SIRT3: variants seen among roughly 807,000 people sequenced by gnomAD.
SIRT3 encodes the protein NAD-dependent protein deacetylase sirtuin-3, mitochondrial.
Under a neutral mutation model 33.5 loss-of-function variants are expected in SIRT3, and 26 were observed. The ratio of observed to expected loss-of-function variants is 0.78; its 90% confidence interval spans 0.57 to 1.08. SIRT3 has a LOEUF of 1.08. SIRT3 is among the 50% of genes least tolerant of loss of function. The probability of loss-of-function intolerance (pLI) is 0.00; values close to 1 mark genes in which losing one functional copy is unlikely to be tolerated. For synonymous variants in SIRT3, 237 were observed against 222.1 expected (o/e 1.07, Z -0.60); for missense variants, 585 against 530.1 (o/e 1.10, Z -1.02).
chr11:219,042 C>G lies in SIRT3; in HGVS notation c.970-1G>C. 2 of 1,610,364 alleles carry G rather than the reference C, an allele frequency of 1.2e-6. No homozygotes were observed. Among genetic ancestry groups the G allele is most frequent in the Non-Finnish European group, 1.7e-6 (2 of 1,178,290 alleles). ...CGGTCAAGCTGGCAAAAGGCTCCACCTGAAAAATGGGCCAAACGTGAGGGG... is the reference window on the plus strand; with the variant it reads ...CGGTCAAGCTGGCAAAAGGCTCCACGTGAAAAATGGGCCAAACGTGAGGGG... On this transcript the variant is annotated splice_acceptor_variant, in intron 5 of 6. Transcript: ENST00000382743. LOFTEE classifies it high-confidence loss of function.
At chr11:235,971 A>T in intron 1 of SIRT3, 77 bp downstream of exon 1, 5 of 1,387,906 alleles carry the variant, frequency 3.6e-6, no homozygotes, top group Non-Finnish European at 3.8e-6. Context: ...CCGCAAAGGA[A>T]ACACGGCAAG....
At chr11:218,740 G>GT (rs1355478488) in intron 6 of SIRT3, 92 bp downstream of exon 6, 4 of 1,570,504 alleles carry the variant, frequency 2.5e-6, no homozygotes, top group Non-Finnish European at 1.7e-6. Flanking sequence ...TACTGTTACT[G>GT]TGTTAACCAA....
rs1004708262 is a variant in SIRT3, at chr11:225,273, G to A, written c.808-1034C>T. Reference sequence around the variant, plus strand: ...CTAAAACACAAAAAATTAGCCAGGCGTGGTGATGCGTGCCTGTAATCCCAG... The same window carrying A: ...CTAAAACACAAAAAATTAGCCAGGCATGGTGATGCGTGCCTGTAATCCCAG... On this transcript the variant is annotated intron_variant, in intron 4 of 6. Coordinates refer to ENST00000382743, the MANE Select transcript of SIRT3 (RefSeq NM_012239.6). Among the ~76,000 whole-genome samples the A allele has an allele frequency of 3.3e-5, 5 of 152,058 alleles. No homozygotes were observed. The East Asian group carries it at 5.8e-4, about 18-fold the overall frequency.
intron 5 of SIRT3, among the ~76,000 whole-genome samples, chr11:221,203 C>A (rs1275547267): frequency 6.6e-6 from 1 of 152,250 alleles, no homozygotes; most frequent in Non-Finnish European, 1.5e-5. Context: ...ACTATAACCT[C>A]AAATTCCTGG....
upstream of SIRT3, chr11:236,760 C>G (rs1859219438): frequency 4.0e-6 from 2 of 496,714 alleles, no homozygotes. Context: ...CAAAGGCTGA[C>G]ACCACAAAGC....
At chr11:226,543 G>C (rs879283744) in intron 4 of SIRT3, among the ~76,000 whole-genome samples, 1 of 146,980 alleles carries the variant, frequency 6.8e-6, no homozygotes, top group Non-Finnish European at 1.5e-5. Flanking sequence ...CGAGTAGCTG[G>C]GATTACAGAT....
intron 6 of SIRT3, among the ~76,000 whole-genome samples, chr11:218,415 C>T (rs1455012877): frequency 2.0e-5 from 3 of 152,180 alleles, no homozygotes; most frequent in African/African-American, 2.4e-5. Context: ...CAATTACTTC[C>T]GAAAAGCATC....
intron 1 of SIRT3, 132 bp from the exon 2 acceptor site, chr11:233,666 C>G (rs186809548): frequency 1.3e-6 from 1 of 758,510 alleles, no homozygotes; most frequent in East Asian, 2.7e-5. Context: ...CCAGGCCTCT[C>G]AAAATAATCA....
rs1554893541 is a variant in SIRT3, at chr11:234,403, T to TTTTTGTTTTGTTTTGTTTTGTTTTG, written c.282-894_282-870dup. Among the ~76,000 whole-genome samples, 318 of 151,434 alleles carry TTTTTGTTTTGTTTTGTTTTGTTTTG rather than the reference T, an allele frequency of 2.1e-3. 1 individual carries two copies. Among genetic ancestry groups the TTTTTGTTTTGTTTTGTTTTGTTTTG allele is most frequent in the African/African-American group, 7.1e-3 (290 of 41,112 alleles). On this transcript the variant is annotated intron_variant, in intron 1 of 6. Transcript: ENST00000382743. Reference sequence around the variant, plus strand: ...GCTTTAGGGCCAGTGGTAGCAAGGATTTTTGTTTTGTTTTGTTTTGTTTTG... The same window carrying TTTTTGTTTTGTTTTGTTTTGTTTTG: ...GCTTTAGGGCCAGTGGTAGCAAGGATTTTTGTTTTGTTTTGTTTTGTTTTGTTTTGTTTTGTTTTGTTTTGTTTTG...
upstream of SIRT3, chr11:236,930 A>T: frequency 1.2e-6 from 1 of 828,670 alleles, no homozygotes; most frequent in African/African-American, 1.7e-5. Context: ...CCGGCCTGCT[A>T]CGGCGCTCCC....
chr11:224,302 A>G (rs1856861124), intron 4 of SIRT3, 63 bp from the exon 5 acceptor site: 2 of 1,530,814 alleles, frequency 1.3e-6, no homozygotes, highest in South Asian at 2.4e-5. Context: ...AGGAAAAGGC[A>G]ACAAGTTCTT....
intron 5 of SIRT3, 23 bp from the exon 6 acceptor site, chr11:219,064 G>A (rs1248289588): frequency 6.3e-7 from 1 of 1,592,806 alleles, no homozygotes; most frequent in South Asian, 1.1e-5. Flanking sequence ...CCAAACGTGA[G>A]GGGCACAGTG....
intron 3 of SIRT3, among the ~76,000 whole-genome samples, chr11:232,255 T>G (rs1858152829): frequency 6.6e-6 from 1 of 152,014 alleles, no homozygotes; most frequent in African/African-American, 2.4e-5. Flanking sequence ...GTACCTGGGA[T>G]TACAGGCACA....
Position 223,857 on chromosome 11 carries a change from C to CAAACCTCCAGGGAGGTCCCAAGGATG in SIRT3, c.969+220_969+221insCATCCTTGGGACCTCCCTGGAGGTTT. ...CCTCCTCCCTGCACAGGCCTGCCGACAGCCCATGAGATGACTCCTGTACCC... is the reference window on the plus strand; with the variant it reads ...CCTCCTCCCTGCACAGGCCTGCCGACAAACCTCCAGGGAGGTCCCAAGGATGAGCCCATGAGATGACTCCTGTACCC... On this transcript the variant is annotated intron_variant, in intron 5 of 6. Coordinates refer to ENST00000382743, the MANE Select transcript of SIRT3 (RefSeq NM_012239.6). This position sits in a 1 kb window ranked among gnomAD's most constrained non-coding sequence, Gnocchi z 4.8. 8.5e-6 allele frequency: 4 copies of CAAACCTCCAGGGAGGTCCCAAGGATG among 471,728 alleles called. 2 individuals carry two copies. The highest frequency in any genetic ancestry group is 7.9e-6 in the Non-Finnish European group (2 of 252,156). The allele number at this position is 471,728 out of a possible 1,614,324, so 29.2% of individuals were successfully genotyped here. A position where few individuals can be genotyped will look rare whatever the true frequency, so the allele number is the denominator to read the frequency against.
chr11:217,233 C>G (rs780436900), intron 6 of SIRT3, among the ~76,000 whole-genome samples: 6 of 152,008 alleles, frequency 3.9e-5, no homozygotes, highest in Admixed American at 1.3e-4. Context: ...GTGGATCACC[C>G]GAGGTCAGGA....
At chr11:217,935 GAATA>G (rs1855883650) in intron 6 of SIRT3, among the ~76,000 whole-genome samples, 1 of 152,196 alleles carries the variant, frequency 6.6e-6, no homozygotes, top group Admixed American at 6.5e-5. Context: ...TTCTGATAGT[GAATA>G]AGTCTCACAA....
intron 5 of SIRT3, chr11:222,573 T>A (rs893189991): frequency 1.3e-5 from 2 of 152,656 alleles, no homozygotes; most frequent in Non-Finnish European, 2.9e-5. Flanking sequence ...AGCCGGTGAT[T>A]ACCTACAAGG....
At chr11:230,952 T>C (rs556585328) in intron 3 of SIRT3, among the ~76,000 whole-genome samples, 45 of 152,202 alleles carry the variant, frequency 3.0e-4, no homozygotes, top group Non-Finnish European at 5.7e-4. Context: ...GGTGAAACCG[T>C]ACCTCTACTA....
At chr11:236,415 C>CCT, upstream of SIRT3, 1 of 945,546 alleles carries the variant, frequency 1.1e-6, no homozygotes, top group Non-Finnish European at 1.3e-6. Flanking sequence ...GCCCCCGGCG[C>CCT]CCCAGCCCCG....
Sources: gnomAD v4.1 joint callset for allele counts (sites outside exome capture counted in the v4.1 genomes callset) on GRCh38, gnomAD v4.1.1 for gene constraint, Gnocchi (gnomAD v3.1) non-coding constraint, MANE v1.5 for transcripts, NCBI Gene and HGNC (gene_info 2026-07-23, HGNC 2026-07-21) for gene names.